KMT2C: variants seen among roughly 807,000 people sequenced by gnomAD.
KMT2C encodes the protein lysine methyltransferase 2C.
In KMT2C, 88 loss-of-function variants were observed where a neutral mutation model predicts 507.9. That is an observed-to-expected ratio of 0.17 (90% CI 0.15 to 0.21). The LOEUF is 0.21. KMT2C is among the 10% of genes least tolerant of loss of function. KMT2C has a pLI of 1.00. For missense variants in KMT2C, 4,954 were observed against 5,957.8 expected, an observed-to-expected ratio of 0.83 and a Z score of 5.55; for synonymous variants, 2,049 against 2,080.8, an observed-to-expected ratio of 0.98 and a Z score of 0.42.
intron 26 of KMT2C, among the ~76,000 whole-genome samples, chr7:152,200,471 G>C (rs142881535): frequency 1.6e-3 from 245 of 152,322 alleles, no homozygotes; most frequent in Non-Finnish European, 2.6e-3. Flanking sequence ...GCTCACGCCT[G>C]TAATCCCAGC....
At chr7:152,179,669 G>C (rs998118004) in intron 37 of KMT2C, among the ~76,000 whole-genome samples, 165 bp downstream of exon 37, 12 of 143,544 alleles carry the variant, frequency 8.4e-5, no homozygotes, top group East Asian at 4.1e-4. Context: ...TGGGGGGGGG[G>C]GGGGGTGGTC....
At chr7:152,329,031 AAAG>A (rs1338623408) in intron 3 of KMT2C, among the ~76,000 whole-genome samples, 2 of 152,050 alleles carry the variant, frequency 1.3e-5, no homozygotes, top group Non-Finnish European at 2.9e-5. Flanking sequence ...GAGTTCAGGT[AAAG>A]AAGAGTAACG....
At chr7:152,421,315 G>A (rs1425572856) in intron 1 of KMT2C, among the ~76,000 whole-genome samples, 2 of 152,178 alleles carry the variant, frequency 1.3e-5, no homozygotes, top group Non-Finnish European at 2.9e-5. Flanking sequence ...AATTAGTTCA[G>A]CCACTGTCAA....
chr7:152,328,991 G>A (rs148711969), intron 3 of KMT2C, among the ~76,000 whole-genome samples: 2 of 152,046 alleles, frequency 1.3e-5, no homozygotes, highest in Non-Finnish European at 2.9e-5. Context: ...AAATAGAGAC[G>A]TCAAGCAGAC....
intron 23 of KMT2C, among the ~76,000 whole-genome samples, chr7:152,217,231 T>C (rs1395459306): frequency 6.6e-6 from 1 of 152,200 alleles, no homozygotes; most frequent in African/African-American, 2.4e-5. Context: ...GAACTTACGA[T>C]GATTGTATTC....
intron 9 of KMT2C, among the ~76,000 whole-genome samples, chr7:152,257,475 T>G (rs1229604486): frequency 2.0e-5 from 3 of 152,180 alleles, no homozygotes; most frequent in African/African-American, 7.2e-5. Context: ...TACTAATATC[T>G]TCTATATTTA....
intron 3 of KMT2C, among the ~76,000 whole-genome samples, chr7:152,317,311 A>C (rs1786809464): frequency 6.6e-6 from 1 of 152,202 alleles, no homozygotes; most frequent in African/African-American, 2.4e-5. Flanking sequence ...AGAGTAATTT[A>C]TTGTTGACTT....
chr7:152,381,925 C>T (rs60071054), intron 1 of KMT2C, among the ~76,000 whole-genome samples: 127 of 152,308 alleles, frequency 8.3e-4, no homozygotes, highest in African/African-American at 2.9e-3. Flanking sequence ...ATTTTACTAA[C>T]TGGTTTTTCT....
At chr7:152,248,765 A>G in intron 13 of KMT2C, 145 bp from the exon 14 acceptor site, 1 of 588,994 alleles carries the variant, frequency 1.7e-6, no homozygotes, top group Non-Finnish European at 3.0e-6. Flanking sequence ...AATGAAAGCC[A>G]AAGTACACAA....
At chr7:152,255,988 G>A (rs1424219578) in intron 9 of KMT2C, among the ~76,000 whole-genome samples, 2 of 152,136 alleles carry the variant, frequency 1.3e-5, no homozygotes, top group Non-Finnish European at 2.9e-5. Flanking sequence ...GGCCAACATG[G>A]CAAAACCCTA....
intron 1 of KMT2C, among the ~76,000 whole-genome samples, chr7:152,401,768 A>G (rs1220395843): frequency 1.3e-5 from 2 of 152,268 alleles, no homozygotes; most frequent in Non-Finnish European, 2.9e-5. Context: ...GACAATGTCA[A>G]TGTCAGAAAT....
intron 2 of KMT2C, among the ~76,000 whole-genome samples, chr7:152,347,050 G>C (rs2097066764): frequency 6.6e-6 from 1 of 152,176 alleles, no homozygotes; most frequent in Non-Finnish European, 1.5e-5. Flanking sequence ...CTTGAACCCG[G>C]AAGGCAGAGG....
Position 152,311,895 on chromosome 7 carries a change from C to A in KMT2C, c.642G>T (p.Gln214His). ...NIVSCVSVST[Q>H]TASDDQAGKL... is the part of the protein sequence containing the mutation. ...TACCAGCTTGATCATCTGAAGCTGTCTGGGTGCTTACACTTACACAAGATA... is the reference window on the plus strand; with the variant it reads ...TACCAGCTTGATCATCTGAAGCTGTATGGGTGCTTACACTTACACAAGATA... The change falls in exon 5 of 59, where the codon CAG becomes CAT. Residue 214 changes from glutamine to histidine, a missense_variant. Gln to His is a conservative substitution (Grantham distance 24). Transcript: ENST00000262189. 6.2e-7 allele frequency: 1 copy of A among 1,610,720 alleles called. No individual in the cohort carries two copies. Among genetic ancestry groups the A allele is most frequent in the Non-Finnish European group, 8.5e-7 (1 of 1,177,392 alleles).
rs964546045 is a variant in KMT2C, at chr7:152,162,703, G to A, written c.10874C>T (p.Pro3625Leu). 2 of 1,614,032 alleles carry A rather than the reference G, an allele frequency of 1.2e-6. No individual in the cohort carries two copies. Among genetic ancestry groups the A allele is most frequent in the Non-Finnish European group, 1.7e-6 (2 of 1,180,030 alleles). Residue 3625 changes from proline (P) to leucine (L), a missense_variant, in exon 43 of 59, where the codon CCC becomes CTC. Physicochemically the swap from Pro to Leu is moderately conservative, Grantham distance 98 (BLOSUM62 -3). This residue lies in a region of KMT2C where 801 missense variants were observed against 751.2 expected (regional missense o/e 1.07). Transcript: ENST00000262189. ...CGGTGGGGCAGTTATATCTGAATGG[G>A]GAGTTGATGGAGCCTTGGTGGATTC... ...DAESTKAPST[P>L]HSDITAPPTP...
In KMT2C at chr7:152,136,087, G is replaced by C. The variant is rs906050524; in HGVS notation, c.*745C>G. On this transcript the variant is annotated 3_prime_UTR_variant, in exon 59 of 59. Coordinates refer to ENST00000262189, the MANE Select transcript of KMT2C (RefSeq NM_170606.3). ...TTACATATCTGTACAAAGTAACAGG[G>C]TTTGTTAGTTCTGCAGGTAACAGCA... 4 of 216,512 alleles carry C rather than the reference G, an allele frequency of 1.8e-5. No homozygotes were observed. Among genetic ancestry groups the C allele is most frequent in the African/African-American group, 6.7e-5 (3 of 44,500 alleles). 13.4% of individuals were successfully genotyped at this position (216,512 alleles called of 1,614,324 possible).
intron 51 of KMT2C, among the ~76,000 whole-genome samples, chr7:152,150,473 G>A (rs932050258): frequency 6.6e-6 from 1 of 151,960 alleles, no homozygotes; most frequent in Non-Finnish European, 1.5e-5. Flanking sequence ...AAAATTAGCT[G>A]GGCGTGGTGG....
intron 38 of KMT2C, among the ~76,000 whole-genome samples, chr7:152,175,789 C>T (rs1022939765): frequency 6.6e-6 from 1 of 152,146 alleles, no homozygotes; most frequent in African/African-American, 2.4e-5. Context: ...GCCTGTAATC[C>T]CAGCACTTTG....
intron 14 of KMT2C, among the ~76,000 whole-genome samples, chr7:152,242,538 T>A (rs1383990859): frequency 2.0e-5 from 3 of 152,174 alleles, no homozygotes; most frequent in Non-Finnish European, 2.9e-5. Context: ...AAACACTACC[T>A]GGCAGGGACT....
chr7:152,366,145 G>A (rs988254125), intron 1 of KMT2C, among the ~76,000 whole-genome samples: 4 of 152,118 alleles, frequency 2.6e-5, no homozygotes, highest in Admixed American at 1.3e-4. Context: ...ACAGGTGTAG[G>A]GAACATAAAA....
Sources: gnomAD v4.1 joint callset for allele counts (sites outside exome capture counted in the v4.1 genomes callset) on GRCh38, gnomAD v4.1.1 for gene constraint, gnomAD v4.1.1 regional missense constraint, MANE v1.5 for transcripts, NCBI Gene and HGNC (gene_info 2026-07-23, HGNC 2026-07-21) for gene names.